Variants in MGA observed in about 807,000 individuals in gnomAD.
The protein encoded by MGA is MAX dimerization protein MGA, also known as MAX gene-associated protein.
MGA carries 40 observed loss-of-function variants against 261.1 expected under a neutral mutation model. That is an observed-to-expected ratio of 0.15 (90% CI 0.12 to 0.20). The LOEUF is 0.20. MGA is among the 10% of genes least tolerant of loss of function. The probability of loss-of-function intolerance (pLI) is 1.00; values close to 1 mark genes in which losing one functional copy is unlikely to be tolerated. For synonymous variants in MGA, 1,302 were observed against 1,290.6 expected, an observed-to-expected ratio of 1.01 and a Z score of -0.19; for missense variants, 3,397 against 3,630.5, an observed-to-expected ratio of 0.94 and a Z score of 1.65.
In MGA at chr15:41,696,743, C is replaced by T; in HGVS notation, c.1733C>T (p.Ser578Leu). 6.2e-7 allele frequency: 1 copy of T among 1,611,520 alleles called. No individual in the cohort carries two copies. Among genetic ancestry groups the T allele is most frequent in the Non-Finnish European group, 8.5e-7 (1 of 1,178,762 alleles). The change falls in exon 3 of 24, where the codon TCA (serine) becomes TTA (leucine). Residue 578 changes from serine to leucine, a missense_variant. Physicochemically the swap from Ser to Leu is moderately radical, Grantham distance 145. This residue lies in a region of MGA where 563 missense variants were observed against 563.6 expected (regional missense o/e 1.00). Coordinates refer to ENST00000219905, the MANE Select transcript of MGA (RefSeq NM_001164273.2). ...AAGGATTCAGTTGGAGACTCACTTT[C>T]AGGAAAAGAGGACTTGGGCAGAAAG...
At chr15:41,699,778 A>G (rs181466953) in intron 5 of MGA, among the ~76,000 whole-genome samples, 144 of 152,134 alleles carry the variant, frequency 9.5e-4, no homozygotes, top group Non-Finnish European at 1.4e-3. Flanking sequence ...GTTTGTTTTT[A>G]TAATTTTGGA....
rs529035597 is a variant in MGA, at chr15:41,696,699, A to T, written c.1689A>T (p.Glu563Asp). ...ATATATCTGACAGCATTAGCACAGA[A>T]AGAATACTCGACGATTCAAAGGATT... is the stretch of plus-strand genomic sequence containing the variant. The change falls in exon 3 of 24, where the codon GAA becomes GAT. Residue 563 changes from glutamate to aspartate, a missense_variant. Coordinates refer to ENST00000219905, the MANE Select transcript of MGA (RefSeq NM_001164273.2). 5 of 1,612,944 alleles carry T rather than the reference A, an allele frequency of 3.1e-6. No homozygotes were observed. The highest frequency in any genetic ancestry group is 1.1e-5 in the South Asian group (1 of 90,884).
Position 41,663,484 on chromosome 15 carries a change from A to ATTGTTG in MGA, c.-68+2974_-68+2979dup, listed in dbSNP as rs34595550. Among the ~76,000 whole-genome samples, 31 of 150,726 alleles carry ATTGTTG rather than the reference A, an allele frequency of 2.1e-4. 1 individual carries two copies. Among genetic ancestry groups the ATTGTTG allele is most frequent in the East Asian group, 1.6e-3 (8 of 5,116 alleles). On this transcript the variant is annotated intron_variant, in intron 1 of 23. Coordinates refer to ENST00000219905, the MANE Select transcript of MGA (RefSeq NM_001164273.2). ...CCCTTTTCTTTTCTTTATTATTATTATTGTTGTTGTTGTTGTTGTTATTAT... is the reference window on the plus strand; with the variant it reads ...CCCTTTTCTTTTCTTTATTATTATTATTGTTGTTGTTGTTGTTGTTGTTGTTATTAT...
chr15:41,742,072 C>A (rs549165173), intron 14 of MGA, among the ~76,000 whole-genome samples: 4 of 151,492 alleles, frequency 2.6e-5, no homozygotes, highest in Non-Finnish European at 4.4e-5. Context: ...TCAAGGCAAG[C>A]GTTTGATTTC....
intron 1 of MGA, among the ~76,000 whole-genome samples, chr15:41,666,872 A>G (rs979423374): frequency 6.6e-6 from 1 of 152,234 alleles, no homozygotes; most frequent in Admixed American, 6.5e-5. Context: ...ATAAAGTCCT[A>G]TAGTGGGTTT....
In MGA at chr15:41,736,176, A is replaced by G. The variant is rs1435323359; in HGVS notation, c.3917-5A>G. ...TTTTTCTTTTTTATTATTATTTTAC[A>G]TCAGAAAAGAGCTGGAAGTCTTCCT... On this transcript the variant is annotated splice_polypyrimidine_tract_variant and splice_region_variant and intron_variant, in intron 12 of 23. Transcript: ENST00000219905. 1.3e-6 allele frequency: 2 copies of G among 1,526,874 alleles called. No homozygotes were observed. Among genetic ancestry groups the G allele is most frequent in the Non-Finnish European group, 1.8e-6 (2 of 1,138,386 alleles). The allele number at this position is 1,526,874 out of a possible 1,614,324, so 94.6% of individuals were successfully genotyped here.
intron 9 of MGA, among the ~76,000 whole-genome samples, chr15:41,720,598 G>A (rs1056234647): frequency 6.6e-6 from 1 of 152,082 alleles, no homozygotes; most frequent in Non-Finnish European, 1.5e-5. Context: ...TTGAGAGGCC[G>A]AGGTGGGCAG....
In MGA at chr15:41,750,206, A is replaced by C; in HGVS notation, c.6599A>C (p.Gln2200Pro). 1 of 1,613,962 alleles carries C rather than the reference A, an allele frequency of 6.2e-7. No individual in the cohort carries two copies. Among genetic ancestry groups the C allele is most frequent in the Non-Finnish European group, 8.5e-7 (1 of 1,179,886 alleles). ...GAATGTAAGAAAGAGGCAGACGAGC[A>C]GTTAATTAAAGAAACAAAGACATGT... is the stretch of plus-strand genomic sequence containing the variant. Residue 2200 changes from glutamine to proline, a missense_variant, in exon 17 of 24, where the codon CAG (glutamine) becomes CCG (proline). Physicochemically the swap from Gln to Pro is moderately conservative, Grantham distance 76. Around this residue, in one of 9 missense-constraint regions of MGA, gnomAD observed 1,410 missense variants for 1,386.4 expected, o/e 1.02. Coordinates refer to ENST00000219905, the MANE Select transcript of MGA (RefSeq NM_001164273.2).
At chr15:41,748,496 TA>T in intron 15 of MGA, 140 bp from the exon 16 acceptor site, 1 of 849,980 alleles carries the variant, frequency 1.2e-6, no homozygotes, top group Non-Finnish European at 1.8e-6. Context: ...GCGGAGGTTG[TA>T]GTCAGTCGAG....
chr15:41,656,120 G>T (rs1194428979), upstream of MGA, among the ~76,000 whole-genome samples: 4 of 152,082 alleles, frequency 2.6e-5, no homozygotes, highest in Admixed American at 6.5e-5. Context: ...GAAATACAGG[G>T]TACTATGAGA....
chr15:41,627,987 C>G (rs7168386), intron 1 of MGA, among the ~76,000 whole-genome samples: 23,006 of 152,196 alleles, frequency 0.15, 2,644 homozygotes, highest in East Asian at 0.68. Context: ...ATGAGCCCTA[C>G]TGCGTGCCAG....
chr15:41,692,809 T>A (rs1336848572), intron 2 of MGA, among the ~76,000 whole-genome samples: 1 of 152,138 alleles, frequency 6.6e-6, no homozygotes, highest in Non-Finnish European at 1.5e-5. Context: ...CCTCCTGGTT[T>A]CAAGCGATTT....
intron 19 of MGA, among the ~76,000 whole-genome samples, chr15:41,759,271 A>G (rs888101222): frequency 3.3e-5 from 5 of 152,172 alleles, no homozygotes; most frequent in African/African-American, 4.8e-5. Flanking sequence ...CAAGAAGTCA[A>G]TAGATAGCAT....
chr15:41,749,126 T>C lies in MGA; in HGVS notation c.5519T>C (p.Ile1840Thr). 1 of 1,611,304 alleles carries C rather than the reference T, an allele frequency of 6.2e-7. No individual in the cohort carries two copies. Among genetic ancestry groups the C allele is most frequent in the Non-Finnish European group, 8.5e-7 (1 of 1,177,988 alleles). The change falls in exon 17 of 24, where the codon ATC becomes ACC. Residue 1840 changes from isoleucine to threonine, a missense_variant. Around this residue, in one of 9 missense-constraint regions of MGA, gnomAD observed 1,410 missense variants for 1,386.4 expected, o/e 1.02. Transcript: ENST00000219905. ...TTTAAACCAGGGTCTGTGATGGGAA[T>C]CCGGTTACCTGCTCCTTCCAAACCC...
intron 1 of MGA, among the ~76,000 whole-genome samples, chr15:41,651,175 T>G (rs962952125): frequency 9.2e-5 from 14 of 152,030 alleles, no homozygotes; most frequent in African/African-American, 3.4e-4. Flanking sequence ...ATGAGGGCCC[T>G]GACCTCATGA....
upstream of MGA, among the ~76,000 whole-genome samples, chr15:41,657,305 A>C (rs1429623729): frequency 6.8e-6 from 1 of 146,176 alleles, no homozygotes; most frequent in Non-Finnish European, 1.5e-5. Context: ...CCCTCTGCCT[A>C]GGACCTGAAT....
chr15:41,656,345 T>TCTCTCTCTCTCTCTCTCTCTCTCTCTCTC (rs1566936480), upstream of MGA, among the ~76,000 whole-genome samples: 1 of 13,942 alleles, frequency 7.2e-5, no homozygotes, highest in African/African-American at 1.2e-4. Context: ...TCTCCTCTCT[T>TCTCTCTCTCTCTCTCTCTCTCTCTCTCTC]CTCTCTCTCT....
intron 2 of MGA, among the ~76,000 whole-genome samples, chr15:41,693,494 C>T (rs1595746561): frequency 6.6e-6 from 1 of 152,092 alleles, no homozygotes; most frequent in East Asian, 1.9e-4. Context: ...AGAAATTGTG[C>T]AAGGAACAAG....
chr15:41,666,904 T>TA (rs984745955), intron 1 of MGA, among the ~76,000 whole-genome samples: 3 of 152,210 alleles, frequency 2.0e-5, no homozygotes, highest in Non-Finnish European at 4.4e-5. Context: ...TAAGAAAACT[T>TA]AAAGTCCTGG....
Sources: allele counts gnomAD v4.1 joint callset (sites outside exome capture counted in the v4.1 genomes callset), GRCh38; gene constraint gnomAD v4.1.1; regional missense constraint gnomAD v4.1.1; transcripts MANE v1.5; gene names NCBI Gene and HGNC (gene_info 2026-07-23, HGNC 2026-07-21).